CEP164: variants seen among roughly 807,000 people sequenced by gnomAD.
CEP164 encodes centrosomal protein of 164 kDa.
CEP164 carries 162 observed loss-of-function variants against 182.7 expected under a neutral mutation model. That is an observed-to-expected ratio of 0.89 (90% confidence interval 0.78 to 1.01). The LOEUF (loss-of-function observed/expected upper bound fraction) is 1.01, where lower values mean the gene tolerates loss of function less well. Ranked by LOEUF, CEP164 falls within the 50% of genes least tolerant of loss-of-function variation. The probability of loss-of-function intolerance (pLI) is 0.00; values close to 1 mark genes in which losing one functional copy is unlikely to be tolerated. For synonymous variants in CEP164, 661 were observed against 690.0 expected, an observed-to-expected ratio of 0.96 and a Z score of 0.66; for missense variants, 1,735 against 1,790.4, an observed-to-expected ratio of 0.97 and a Z score of 0.56.
upstream of CEP164, among the ~76,000 whole-genome samples, chr11:117,323,305 CT>C (rs557331639): frequency 0.024 from 3,508 of 146,114 alleles, 96 homozygotes; most frequent in South Asian, 0.14. Context: ...ATGAGATCAA[CT>C]TTTTTTTTTT....
rs1208259240 is a variant in CEP164, at chr11:117,344,376, A to G, written c.194+99A>G. On this transcript the variant is annotated intron_variant, in intron 4 of 32. Transcript: ENST00000278935. ...TGAACTGGCCAGCTTTTCCAAGCCT[A>G]TCCTGTACAGTCAGGGACAGTACTG... 2.0e-5 allele frequency: 15 copies of G among 767,038 alleles called. No individual in the cohort carries two copies. In the Admixed American group the frequency reaches 3.0e-4, roughly 15 times the overall value. The allele number at this position is 767,038 out of a possible 1,614,324, so 47.5% of individuals were successfully genotyped here. A position where few individuals can be genotyped will look rare whatever the true frequency, so the allele number is the denominator to read the frequency against.
chr11:117,409,104 C>G lies in CEP164; in HGVS notation c.3748+76C>G, dbSNP rs913638564. 4.4e-6 allele frequency: 7 copies of G among 1,585,508 alleles called. No homozygotes were observed. Among genetic ancestry groups the G allele is most frequent in the African/African-American group, 1.3e-5 (1 of 74,512 alleles). ...GAACTTGGGGAATAGAAGAAGAGCTCTCTTCCCTCAGCCCTGCAGAGGGAG... is the reference window on the plus strand; with the variant it reads ...GAACTTGGGGAATAGAAGAAGAGCTGTCTTCCCTCAGCCCTGCAGAGGGAG... On this transcript the variant is annotated intron_variant, in intron 29 of 32. Transcript: ENST00000278935. The surrounding 1 kb of genome is among the most constrained non-coding windows in gnomAD (Gnocchi z 4.4).
At chr11:117,410,125 A>C in intron 30 of CEP164, 160 bp downstream of exon 30, 2 of 769,584 alleles carry the variant, frequency 2.6e-6, no homozygotes, top group Non-Finnish European at 4.5e-6. Flanking sequence ...CCATTGGTCC[A>C]TTGACTCTAC....
chr11:117,379,582 T>C (rs899490999), intron 11 of CEP164, among the ~76,000 whole-genome samples: 2 of 152,134 alleles, frequency 1.3e-5, no homozygotes, highest in Non-Finnish European at 2.9e-5. Flanking sequence ...GAGCTAACAT[T>C]GATGGCGTGC....
chr11:117,378,596 A>G (rs554406153), intron 11 of CEP164, among the ~76,000 whole-genome samples: 2 of 152,300 alleles, frequency 1.3e-5, no homozygotes, highest in South Asian at 4.1e-4. Context: ...GGGAAATGGT[A>G]TTTTAGGCCA....
intron 5 of CEP164, chr11:117,355,194 T>G (rs903631535): frequency 7.6e-5 from 98 of 1,289,550 alleles, no homozygotes; most frequent in Non-Finnish European, 9.5e-5. Flanking sequence ...ATGGAGAAAA[T>G]CTTAGGCAGG....
chr11:117,322,265 A>ACG (rs1447811450), intron 1 of CEP164, among the ~76,000 whole-genome samples: 1 of 151,544 alleles, frequency 6.6e-6, no homozygotes, highest in Non-Finnish European at 1.5e-5. Context: ...ACAGGCGTGT[A>ACG]CCACCATGCC....
In CEP164 at chr11:117,397,185, C is replaced by T. The variant is rs372830445; in HGVS notation, c.3373C>T (p.Arg1125Trp). The T allele has an allele frequency of 1.5e-5, 25 of 1,614,042 alleles. No homozygotes were observed. Among genetic ancestry groups the T allele is most frequent in the South Asian group, 5.5e-5 (5 of 91,088 alleles). The change falls in exon 27 of 33, where the codon CGG becomes TGG. Residue 1125 changes from arginine to tryptophan, a missense_variant. Coordinates refer to ENST00000278935, the MANE Select transcript of CEP164 (RefSeq NM_014956.5). ...CCTTGTGCAGCAGACACGCTCCATGCGGAGGCGGCAGACAGCTCTGAAAGC... is the reference window on the plus strand; with the variant it reads ...CCTTGTGCAGCAGACACGCTCCATGTGGAGGCGGCAGACAGCTCTGAAAGC... Reference protein sequence around the residue: ...EFLVQQTRSMRRRQTALKAAQ... With the variant: ...EFLVQQTRSMWRRQTALKAAQ...
In CEP164 at chr11:117,409,166, C is replaced by A; in HGVS notation, c.3748+138C>A. Reference sequence around the variant, plus strand: ...CCGGTGTCTGGACTAGGTGCTCGGTCAGTGCTGGGAAGGAATCACACCATC... The same window carrying A: ...CCGGTGTCTGGACTAGGTGCTCGGTAAGTGCTGGGAAGGAATCACACCATC... On this transcript the variant is annotated intron_variant, in intron 29 of 32. Coordinates refer to ENST00000278935, the MANE Select transcript of CEP164 (RefSeq NM_014956.5). The surrounding 1 kb of genome is among the most constrained non-coding windows in gnomAD (Gnocchi z 4.4). The A allele has an allele frequency of 8.5e-7, 1 of 1,180,060 alleles. No individual in the cohort carries two copies. Among genetic ancestry groups the A allele is most frequent in the Non-Finnish European group, 1.2e-6 (1 of 841,252 alleles). 73.1% of individuals were successfully genotyped at this position (1,180,060 alleles called of 1,614,324 possible).
chr11:117,387,377 C>T lies in CEP164; in HGVS notation c.1899C>T (p.Ile633=). The part of the protein sequence containing the change: ...EKLCQEEEEE[I]LRLHQQKEQS... ...TGTGCCAAGAGGAGGAAGAGGAGAT[C>T]CTCCGGCTTCACCAGCAGAAAGAGC... Residue 633 remains isoleucine (I), a synonymous_variant, in exon 15 of 33, where the codon ATC becomes ATT. Coordinates refer to ENST00000278935, the MANE Select transcript of CEP164 (RefSeq NM_014956.5). 1 of 1,614,138 alleles carries T rather than the reference C, an allele frequency of 6.2e-7. No homozygotes were observed. The highest frequency in any genetic ancestry group is 8.5e-7 in the Non-Finnish European group (1 of 1,180,036).
chr11:117,323,487 A>G (rs959691558), upstream of CEP164, among the ~76,000 whole-genome samples: 1 of 151,810 alleles, frequency 6.6e-6, no homozygotes, highest in African/African-American at 2.4e-5. Flanking sequence ...TTCTTTTTCC[A>G]TTCATCTGTT....
upstream of CEP164, among the ~76,000 whole-genome samples, chr11:117,327,276 T>A (rs1447813090): frequency 1.3e-5 from 2 of 152,180 alleles, no homozygotes; most frequent in African/African-American, 4.8e-5. Flanking sequence ...TACATTCACA[T>A]TTGTTTTGTT....
intron 4 of CEP164, among the ~76,000 whole-genome samples, chr11:117,347,894 T>C (rs960858825): frequency 3.3e-5 from 5 of 152,218 alleles, no homozygotes; most frequent in Non-Finnish European, 5.9e-5. Context: ...ATTTACCCTG[T>C]AGAAAAATGT....
Position 117,394,262 on chromosome 11 carries a change from T to C in CEP164, c.2617-88T>C. On this transcript the variant is annotated intron_variant, in intron 20 of 32. Coordinates refer to ENST00000278935, the MANE Select transcript of CEP164 (RefSeq NM_014956.5). This position sits in a 1 kb window ranked among gnomAD's most constrained non-coding sequence, Gnocchi z 4.0. ...CCGATGGTGTCCCTGATCTTACTGA[T>C]GCAAGGCTGCAGGGCTAGGGGAGCT... 2 of 1,515,678 alleles carry C rather than the reference T, an allele frequency of 1.3e-6. No homozygotes were observed. 93.9% of individuals were successfully genotyped at this position (1,515,678 alleles called of 1,614,324 possible).
intron 11 of CEP164, among the ~76,000 whole-genome samples, chr11:117,379,828 C>T (rs899522653): frequency 1.3e-5 from 2 of 150,370 alleles, no homozygotes; most frequent in African/African-American, 4.9e-5. Flanking sequence ...CAAAGTGAGA[C>T]CTTGCCTCAA....
Position 117,396,610 on chromosome 11 carries a change from A to C in CEP164, c.3277A>C (p.Ser1093Arg). Reference sequence around the variant, plus strand: ...GAGCAAGGAGGACTTATACTTGGACAGGTGAGTTCCCATAGCCTGTCTTAT... The same window carrying C: ...GAGCAAGGAGGACTTATACTTGGACCGGTGAGTTCCCATAGCCTGTCTTAT... ...SQSKEDLYLD[S>R]LSSHNVWHLL... Residue 1093 changes from serine to arginine, a missense_variant and splice_region_variant, in exon 26 of 33, where the codon AGC (serine) becomes CGC (arginine). Physicochemically the swap from Ser to Arg is moderately radical, Grantham distance 110. Coordinates refer to ENST00000278935, the MANE Select transcript of CEP164 (RefSeq NM_014956.5). 6.2e-7 allele frequency: 1 copy of C among 1,612,342 alleles called. No homozygotes were observed. Among genetic ancestry groups the C allele is most frequent in the Non-Finnish European group, 8.5e-7 (1 of 1,178,342 alleles).
intron 11 of CEP164, among the ~76,000 whole-genome samples, chr11:117,376,056 G>A (rs1446926445): frequency 6.6e-6 from 1 of 152,148 alleles, no homozygotes; most frequent in Non-Finnish European, 1.5e-5. Flanking sequence ...GTCTGCTCAT[G>A]TGCAAAGCGC....
intron 8 of CEP164, among the ~76,000 whole-genome samples, chr11:117,370,589 T>C (rs1303086815): frequency 6.6e-6 from 1 of 152,290 alleles, no homozygotes; most frequent in South Asian, 2.1e-4. Context: ...TCTGTAGATC[T>C]GGGGTGGAGT....
At chr11:117,323,921 G>A, upstream of CEP164, 1 of 343,736 alleles carries the variant, frequency 2.9e-6, no homozygotes, top group Non-Finnish European at 6.1e-6. Flanking sequence ...AAGGCAGTTT[G>A]CCCATTTTAA....
Sources: allele counts gnomAD v4.1 joint callset (sites outside exome capture counted in the v4.1 genomes callset), GRCh38; gene constraint gnomAD v4.1.1; non-coding constraint Gnocchi (gnomAD v3.1); transcripts MANE v1.5; gene names NCBI Gene and HGNC (gene_info 2026-07-23, HGNC 2026-07-21).